SPOCK1: variants seen among roughly 807,000 people sequenced by gnomAD.
The protein encoded by SPOCK1 is testican-1.
In SPOCK1, 23 loss-of-function variants were observed where a neutral mutation model predicts 55.3. The ratio of observed to expected loss-of-function variants is 0.42; its 90% CI spans 0.30 to 0.59. SPOCK1 has a LOEUF of 0.59. SPOCK1 is among the 20% of genes least tolerant of loss of function. The pLI is 0.22. For missense variants in SPOCK1, 499 were observed against 552.5 expected (o/e 0.90, Z 0.97); for synonymous variants, 226 against 221.0 (o/e 1.02, Z -0.20).
intron 6 of SPOCK1, among the ~76,000 whole-genome samples, chr5:137,001,529 C>T (rs1580701662): frequency 1.3e-5 from 2 of 152,314 alleles, no homozygotes; most frequent in East Asian, 3.9e-4. Flanking sequence ...ACCCCATTCT[C>T]CCCAAGAAAA....
At chr5:137,391,247 T>G (rs1281560193) in intron 2 of SPOCK1, among the ~76,000 whole-genome samples, 1 of 152,234 alleles carries the variant, frequency 6.6e-6, no homozygotes, top group African/African-American at 2.4e-5. Context: ...TTTTTATGGC[T>G]GCATAGTATT....
At chr5:137,364,606 G>A (rs913797467) in intron 2 of SPOCK1, among the ~76,000 whole-genome samples, 1 of 152,146 alleles carries the variant, frequency 6.6e-6, no homozygotes, top group African/African-American at 2.4e-5. Flanking sequence ...CCTAAGACAA[G>A]GGCAATTTGC....
intron 2 of SPOCK1, among the ~76,000 whole-genome samples, chr5:137,325,789 T>TGGGC (rs1580867887): frequency 6.6e-6 from 1 of 152,330 alleles, no homozygotes; most frequent in East Asian, 1.9e-4. Flanking sequence ...CACAGAGTGA[T>TGGGC]GGGCAGTGGT....
chr5:137,446,674 C>A (rs1753135651), intron 2 of SPOCK1, among the ~76,000 whole-genome samples: 1 of 152,102 alleles, frequency 6.6e-6, no homozygotes, highest in African/African-American at 2.4e-5. Context: ...TAAAACAGAA[C>A]AAAAAATTTA....
chr5:137,436,555 A>T (rs1365935760), intron 2 of SPOCK1, among the ~76,000 whole-genome samples: 2 of 152,182 alleles, frequency 1.3e-5, no homozygotes, highest in African/African-American at 4.8e-5. Context: ...TCTATTATGC[A>T]TCATTTCCAA....
intron 2 of SPOCK1, among the ~76,000 whole-genome samples, chr5:137,461,529 G>A (rs1040324979): frequency 3.3e-5 from 5 of 152,168 alleles, no homozygotes; most frequent in African/African-American, 4.8e-5. Context: ...CCATAACCAC[G>A]GACTTAAGGG....
Position 137,478,939 on chromosome 5 carries a change from T to G in SPOCK1, c.186+19434A>C, listed in dbSNP as rs572870309. On this transcript the variant is annotated intron_variant, in intron 2 of 10. Coordinates refer to ENST00000394945, the MANE Select transcript of SPOCK1 (RefSeq NM_004598.4). Reference sequence around the variant, plus strand: ...GCTTCATAAAAGGGGTAGAAAGAACTAATCTCTACCATTACTCCACACCAG... The same window carrying G: ...GCTTCATAAAAGGGGTAGAAAGAACGAATCTCTACCATTACTCCACACCAG... Among the ~76,000 whole-genome samples, 67 of 152,146 alleles carry G rather than the reference T, an allele frequency of 4.4e-4. 1 individual carries two copies. Among genetic ancestry groups the G allele is most frequent in the Middle Eastern group, 3.4e-3 (1 of 294 alleles).
chr5:137,238,249 C>G (rs1468009109), intron 3 of SPOCK1, among the ~76,000 whole-genome samples: 1 of 152,184 alleles, frequency 6.6e-6, no homozygotes, highest in East Asian at 1.9e-4. Context: ...GAAGTGTTAA[C>G]AAATTATTTT....
intron 2 of SPOCK1, among the ~76,000 whole-genome samples, chr5:137,403,016 T>C (rs1230015106): frequency 6.6e-6 from 1 of 152,218 alleles, no homozygotes; most frequent in Non-Finnish European, 1.5e-5. Flanking sequence ...GTGCCAAAGG[T>C]CACACAGCTG....
intron 9 of SPOCK1, among the ~76,000 whole-genome samples, chr5:136,983,245 A>G (rs115662300): frequency 1.0e-3 from 158 of 152,294 alleles, no homozygotes; most frequent in African/African-American, 3.7e-3. Flanking sequence ...AAAGTGTGGC[A>G]TGGGAGGGAC....
intron 3 of SPOCK1, among the ~76,000 whole-genome samples, chr5:137,236,931 C>G (rs1561480404): frequency 6.6e-6 from 1 of 152,174 alleles, no homozygotes; most frequent in Admixed American, 6.5e-5. Context: ...AGCCCCCAAC[C>G]AATACCATTC....
At chr5:137,174,692 T>A (rs552634763) in intron 3 of SPOCK1, among the ~76,000 whole-genome samples, 14 of 152,236 alleles carry the variant, frequency 9.2e-5, no homozygotes, top group Non-Finnish European at 4.4e-5. Flanking sequence ...TGATCAGATA[T>A]TTTGTTCCAA....
intron 5 of SPOCK1, among the ~76,000 whole-genome samples, chr5:137,097,900 C>G (rs901247831): frequency 1.2e-4 from 18 of 152,174 alleles, no homozygotes; most frequent in African/African-American, 4.3e-4. Context: ...TTACCACCAC[C>G]ATCGGGCAGA....
chr5:137,031,714 G>A (rs1217718696), intron 6 of SPOCK1, among the ~76,000 whole-genome samples: 7 of 152,204 alleles, frequency 4.6e-5, no homozygotes, highest in Middle Eastern at 3.4e-3. Context: ...ATCAGACCCT[G>A]TTTTTTAACG....
rs778682608 is a variant in SPOCK1, at chr5:137,498,401, C to T, written c.158G>A (p.Arg53Gln). The change falls in exon 2 of 11, where the codon CGG becomes CAG. Residue 53 changes from arginine (R) to glutamine (Q), a missense_variant. Coordinates refer to ENST00000394945, the MANE Select transcript of SPOCK1 (RefSeq NM_004598.4). The stretch of plus-strand genomic sequence containing the variant: ...TCGAAAGCGGTTCCAGTACTTGTCC[C>T]GGTCGTACTGGGAGACGGTGCTCAG... The part of the protein sequence containing the change: ...QWLSTVSQYD[R>Q]DKYWNRFRDD... 1.2e-6 allele frequency: 2 copies of T among 1,606,380 alleles called. No homozygotes were observed. Among genetic ancestry groups the T allele is most frequent in the African/African-American group, 1.3e-5 (1 of 74,598 alleles).
chr5:137,258,507 C>G (rs545140040), intron 3 of SPOCK1, among the ~76,000 whole-genome samples: 12 of 152,318 alleles, frequency 7.9e-5, no homozygotes, highest in Middle Eastern at 3.4e-3. Context: ...TCTACATTCT[C>G]AAATGAGAAA....
Position 137,453,327 on chromosome 5 carries a change from A to G in SPOCK1, c.186+45046T>C, listed in dbSNP as rs571697861. ...AGCTGCTTCATATACACCTCTCATT[A>G]AAAATAATTGTCAATTCCCTGTGTG... is the stretch of plus-strand genomic sequence containing the variant. On this transcript the variant is annotated intron_variant, in intron 2 of 10. Transcript: ENST00000394945. Among the ~76,000 whole-genome samples the G allele has an allele frequency of 3.9e-5, 6 of 152,296 alleles. No homozygotes were observed. In the East Asian group the frequency reaches 1.2e-3, roughly 29 times the overall value.
intron 2 of SPOCK1, among the ~76,000 whole-genome samples, chr5:137,356,500 A>G (rs1265322020): frequency 6.6e-6 from 1 of 151,682 alleles, no homozygotes; most frequent in African/African-American, 2.4e-5. Flanking sequence ...ATTTACCTCC[A>G]TTTTAGAGGC....
Position 137,467,863 on chromosome 5 carries a change from T to C in SPOCK1, c.186+30510A>G, listed in dbSNP as rs958525199. Among the ~76,000 whole-genome samples the C allele has an allele frequency of 2.0e-5, 3 of 152,206 alleles. No individual in the cohort carries two copies. The East Asian group carries it at 5.8e-4, about 29-fold the overall frequency. On this transcript the variant is annotated intron_variant, in intron 2 of 10. Coordinates refer to ENST00000394945, the MANE Select transcript of SPOCK1 (RefSeq NM_004598.4). Reference sequence around the variant, plus strand: ...CAACACCAAATAGAAACGTTTCTAATTGGCCCTTGTTCTCAACTAAATTAA... The same window carrying C: ...CAACACCAAATAGAAACGTTTCTAACTGGCCCTTGTTCTCAACTAAATTAA...
Sources: gnomAD v4.1 joint callset for allele counts (sites outside exome capture counted in the v4.1 genomes callset) on GRCh38, gnomAD v4.1.1 for gene constraint, MANE v1.5 for transcripts, NCBI Gene and HGNC (gene_info 2026-07-23, HGNC 2026-07-21) for gene names.